The following PARD6B variants were observed in gnomAD, a reference collection of about 807,000 sequenced individuals.
PARD6B encodes the protein partitioning defective 6 homolog beta.
A neutral mutation model predicts 10.5 loss-of-function variants in PARD6B; 4 were observed. That is an observed-to-expected ratio of 0.38 (90% confidence interval 0.19 to 0.87). The LOEUF is 0.87. Among genes scored for constraint, PARD6B ranks in the 40% least tolerant of loss-of-function variants. The probability of loss-of-function intolerance (pLI) is 0.41; values close to 1 mark genes in which losing one functional copy is unlikely to be tolerated. For missense variants in PARD6B, 396 were observed against 470.6 expected, an observed-to-expected ratio of 0.84 and a Z score of 1.47; for synonymous variants, 169 against 170.4, an observed-to-expected ratio of 0.99 and a Z score of 0.07.
rs2087617082 is a variant in PARD6B, at chr20:50,752,294, T to C, written c.*1806T>C. 1 of 984,844 alleles carries C rather than the reference T, an allele frequency of 1.0e-6. No individual in the cohort carries two copies. Among genetic ancestry groups the C allele is most frequent in the Non-Finnish European group, 1.2e-6 (1 of 829,858 alleles). The allele number at this position is 984,844 out of a possible 1,614,324, so 61.0% of individuals were successfully genotyped here. A position where few individuals can be genotyped will look rare whatever the true frequency, so the allele number is the denominator to read the frequency against. ...TAAAAAATACATCCAAATTAAGATG[T>C]TTTAACACATAGGACAAACTTGTGC... On this transcript the variant is annotated 3_prime_UTR_variant, in exon 3 of 3. Transcript: ENST00000371610.
At chr20:50,742,401 T>G (rs1235359070) in intron 2 of PARD6B, among the ~76,000 whole-genome samples, 1 of 151,878 alleles carries the variant, frequency 6.6e-6, no homozygotes, top group Non-Finnish European at 1.5e-5. Context: ...AGTCTTACTC[T>G]GTTGCCCAGG....
intron 2 of PARD6B, among the ~76,000 whole-genome samples, chr20:50,743,888 C>CA (rs1216305315): frequency 6.0e-3 from 335 of 55,752 alleles, no homozygotes; most frequent in Middle Eastern, 0.012. Flanking sequence ...GACTCCGTCT[C>CA]AAAAAAAAAA....
chr20:50,739,940 G>C (rs942645737), intron 2 of PARD6B, among the ~76,000 whole-genome samples: 1 of 152,202 alleles, frequency 6.6e-6, no homozygotes, highest in Non-Finnish European at 1.5e-5. Flanking sequence ...TGCACTCACT[G>C]TGGCTGCTTT....
chr20:50,750,552 A>C lies in PARD6B; in HGVS notation c.*64A>C. The C allele has an allele frequency of 6.5e-7, 1 of 1,541,788 alleles. No individual in the cohort carries two copies. Among genetic ancestry groups the C allele is most frequent in the Non-Finnish European group, 8.7e-7 (1 of 1,148,826 alleles). On this transcript the variant is annotated 3_prime_UTR_variant, in exon 3 of 3. Transcript: ENST00000371610. ...AGGACTTGTACATTTGGCTAGTTTA[A>C]AAGCATATATACCTCTGACCAGTGA...
Position 50,752,552 on chromosome 20 carries a change from A to G in PARD6B, c.*2064A>G, listed in dbSNP as rs1167831732. On this transcript the variant is annotated 3_prime_UTR_variant, in exon 3 of 3. Transcript: ENST00000371610. ...TTTATTGTACAGTGTGCACAAGCAC[A>G]ATGGTATGCTTGTATATAGAAACTA... 3.0e-6 allele frequency: 3 copies of G among 984,946 alleles called. No individual in the cohort carries two copies. The Admixed American group carries it at 1.8e-4, about 61-fold the overall frequency. 61.0% of individuals were successfully genotyped at this position (984,946 alleles called of 1,614,324 possible).
In PARD6B at chr20:50,749,951, A is replaced by G; in HGVS notation, c.582A>G (p.Ile194Met). The G allele has an allele frequency of 6.2e-7, 1 of 1,614,232 alleles. No homozygotes were observed. The highest frequency in any genetic ancestry group is 1.1e-5 in the South Asian group (1 of 91,082). Residue 194 changes from isoleucine (I) to methionine (M), a missense_variant, in exon 3 of 3, where the codon ATA (isoleucine) becomes ATG (methionine). Coordinates refer to ENST00000371610, the MANE Select transcript of PARD6B (RefSeq NM_032521.3). ...HGLEKVPGIFISRLVPGGLAQ... is the reference protein window; with the variant it reads ...HGLEKVPGIFMSRLVPGGLAQ... ...TAGAAAAGGTTCCAGGGATCTTTAT[A>G]TCCAGGCTTGTCCCAGGAGGTCTGG...
chr20:50,747,370 A>G (rs2087572996), intron 2 of PARD6B, among the ~76,000 whole-genome samples: 1 of 151,388 alleles, frequency 6.6e-6, no homozygotes, highest in African/African-American at 2.4e-5. Context: ...AGATGGTGAG[A>G]TTGGTGTTTT....
intron 1 of PARD6B, among the ~76,000 whole-genome samples, chr20:50,735,307 T>C (rs759052873): frequency 5.4e-4 from 82 of 152,238 alleles, no homozygotes; most frequent in Non-Finnish European, 1.0e-3. Flanking sequence ...TTGGTAACTG[T>C]TTTATCTTCC....
intron 1 of PARD6B, among the ~76,000 whole-genome samples, chr20:50,735,749 G>T (rs1459172585): frequency 6.6e-6 from 1 of 152,080 alleles, no homozygotes; most frequent in Non-Finnish European, 1.5e-5. Flanking sequence ...TATCATAACA[G>T]TTAAGCAAGA....
Position 50,737,986 on chromosome 20 carries a change from C to T in PARD6B, c.196C>T (p.His66Tyr). 2 of 1,613,576 alleles carry T rather than the reference C, an allele frequency of 1.2e-6. No individual in the cohort carries two copies. Among genetic ancestry groups the T allele is most frequent in the Non-Finnish European group, 1.7e-6 (2 of 1,179,752 alleles). The change falls in exon 2 of 3, where the codon CAT (histidine) becomes TAT (tyrosine). Residue 66 changes from histidine to tyrosine, a missense_variant. Around this residue, in one of 2 missense-constraint regions of PARD6B, gnomAD observed 208 missense variants for 300.9 expected, o/e 0.69. Coordinates refer to ENST00000371610, the MANE Select transcript of PARD6B (RefSeq NM_032521.3). The part of the protein sequence containing the change: ...VDVLVGYADI[H>Y]GDLLPINNDD... ...CGTTTTGGTAGGCTATGCAGACATCCATGGAGACTTACTACCTATAAATAA... is the reference window on the plus strand; with the variant it reads ...CGTTTTGGTAGGCTATGCAGACATCTATGGAGACTTACTACCTATAAATAA...
chr20:50,738,358 G>C (rs557795222), intron 2 of PARD6B, among the ~76,000 whole-genome samples: 2 of 152,276 alleles, frequency 1.3e-5, no homozygotes, highest in Admixed American at 1.3e-4. Flanking sequence ...GGAATTTATT[G>C]AATATTGGGA....
intron 2 of PARD6B, among the ~76,000 whole-genome samples, chr20:50,743,270 A>G (rs1160038033): frequency 1.3e-5 from 2 of 152,202 alleles, no homozygotes; most frequent in African/African-American, 4.8e-5. Flanking sequence ...CAGAATCTCT[A>G]CATCCAGACT....
At chr20:50,735,412 T>C (rs984597670) in intron 1 of PARD6B, among the ~76,000 whole-genome samples, 2 of 152,216 alleles carry the variant, frequency 1.3e-5, no homozygotes, top group African/African-American at 4.8e-5. Context: ...TAAAATTTCC[T>C]AATTATTATT....
chr20:50,738,015 T>C lies in PARD6B; in HGVS notation c.225T>C (p.Asp75=), dbSNP rs545650048. The change falls in exon 2 of 3, where the codon GAT becomes GAC. Residue 75 remains aspartate, a synonymous_variant. Coordinates refer to ENST00000371610, the MANE Select transcript of PARD6B (RefSeq NM_032521.3). ...IHGDLLPINN[D]DNYHKAVSTA... is the part of the protein sequence containing the mutation. ...GAGACTTACTACCTATAAATAATGATGATAATTATCACAAAGCTGTTTCAA... is the reference window on the plus strand; with the variant it reads ...GAGACTTACTACCTATAAATAATGACGATAATTATCACAAAGCTGTTTCAA... The C allele has an allele frequency of 5.6e-6, 9 of 1,613,188 alleles. No individual in the cohort carries two copies. In the African/African-American group the frequency reaches 6.7e-5, roughly 12 times the overall value.
rs1413457668 is a variant in PARD6B, at chr20:50,753,509, TCAACAAAA to T, written c.*3022_*3029del. ...AATTTATGATAATGTTCTCGAGCTA[TCAACAAAA>T]TATATGTACTTTTGTGAGCTATGAA... On this transcript the variant is annotated 3_prime_UTR_variant, in exon 3 of 3. Coordinates refer to ENST00000371610, the MANE Select transcript of PARD6B (RefSeq NM_032521.3). The T allele has an allele frequency of 2.4e-5, 23 of 952,600 alleles. No individual in the cohort carries two copies. Among genetic ancestry groups the T allele is most frequent in the African/African-American group, 3.5e-5 (2 of 56,510 alleles). 59.0% of individuals were successfully genotyped at this position (952,600 alleles called of 1,614,324 possible). A position where few individuals can be genotyped will look rare whatever the true frequency, so the allele number is the denominator to read the frequency against.
Position 50,731,871 on chromosome 20 carries a change from G to A in PARD6B, c.66+19G>A. 1 of 1,425,306 alleles carries A rather than the reference G, an allele frequency of 7.0e-7. No individual in the cohort carries two copies. The allele number at this position is 1,425,306 out of a possible 1,614,324, so 88.3% of individuals were successfully genotyped here. A position where few individuals can be genotyped will look rare whatever the true frequency, so the allele number is the denominator to read the frequency against. On this transcript the variant is annotated intron_variant, in intron 1 of 2. Transcript: ENST00000371610. The stretch of plus-strand genomic sequence containing the variant: ...GAGCAAGGTGCGCGGGGCCCGGGCT[G>A]GGCGGAGCGGCGGGCCTGGGGGGCC...
chr20:50,733,604 T>A (rs775615160), intron 1 of PARD6B, among the ~76,000 whole-genome samples: 3 of 152,166 alleles, frequency 2.0e-5, no homozygotes, highest in Non-Finnish European at 2.9e-5. Context: ...AGCGTTAAGA[T>A]GACCCAAAAT....
intron 2 of PARD6B, among the ~76,000 whole-genome samples, chr20:50,746,038 T>G (rs1237459406): frequency 2.6e-5 from 4 of 152,164 alleles, no homozygotes; most frequent in African/African-American, 4.8e-5. Flanking sequence ...TGTTACTGTA[T>G]GGGGATACTG....
At chr20:50,745,127 C>A (rs188587923) in intron 2 of PARD6B, among the ~76,000 whole-genome samples, 1 of 152,168 alleles carries the variant, frequency 6.6e-6, no homozygotes, top group African/African-American at 2.4e-5. Flanking sequence ...GATATTTAAT[C>A]TTTTTAAAGT....
Sources: allele counts gnomAD v4.1 joint callset (sites outside exome capture counted in the v4.1 genomes callset), GRCh38; gene constraint gnomAD v4.1.1; regional missense constraint gnomAD v4.1.1; transcripts MANE v1.5; gene names NCBI Gene and HGNC (gene_info 2026-07-23, HGNC 2026-07-21).